The following PTPRO variants were observed in gnomAD, a reference collection of about 807,000 sequenced individuals.
The protein encoded by PTPRO is receptor-type tyrosine-protein phosphatase O.
In PTPRO, 62 loss-of-function variants were observed where a neutral mutation model predicts 145.2. That is an observed-to-expected ratio of 0.43 (90% CI 0.35 to 0.53). PTPRO has a LOEUF of 0.53. PTPRO is among the 20% of genes least tolerant of loss of function. The pLI, the probability that PTPRO is intolerant of heterozygous loss-of-function variation, is 0.01. For missense variants in PTPRO, 1,345 were observed against 1,482.7 expected (o/e 0.91, Z 1.53); for synonymous variants, 565 against 514.7 (o/e 1.10, Z -1.32).
chr12:15,463,184 G>C (rs1169533546), intron 1 of PTPRO, among the ~76,000 whole-genome samples: 4 of 152,060 alleles, frequency 2.6e-5, no homozygotes, highest in Non-Finnish European at 2.9e-5. Flanking sequence ...AGGAAATCTG[G>C]CATGTATCTC....
intron 25 of PTPRO, among the ~76,000 whole-genome samples, chr12:15,594,369 A>C (rs1386396262): frequency 6.6e-6 from 1 of 151,716 alleles, no homozygotes; most frequent in Non-Finnish European, 1.5e-5. Flanking sequence ...AAATAGCCCC[A>C]TGATTTGATT....
intron 1 of PTPRO, among the ~76,000 whole-genome samples, chr12:15,344,126 T>C (rs1396108429): frequency 6.6e-6 from 1 of 152,248 alleles, no homozygotes; most frequent in African/African-American, 2.4e-5. Context: ...GCTTTGTCAC[T>C]TGAAGAACAC....
chr12:15,583,823 T>C (rs919320023), intron 23 of PTPRO, among the ~76,000 whole-genome samples: 1 of 152,200 alleles, frequency 6.6e-6, no homozygotes, highest in Non-Finnish European at 1.5e-5. Context: ...CTACAGGAGA[T>C]AAATCACTTC....
At chr12:15,517,497 C>T (rs747816731) in intron 9 of PTPRO, among the ~76,000 whole-genome samples, 25 of 152,102 alleles carry the variant, frequency 1.6e-4, no homozygotes, top group Non-Finnish European at 2.8e-4. Context: ...CCAACAGTCC[C>T]GAAAAGTCTT....
chr12:15,388,965 A>G (rs1413474244), intron 1 of PTPRO, among the ~76,000 whole-genome samples: 5 of 151,708 alleles, frequency 3.3e-5, no homozygotes, highest in Non-Finnish European at 7.4e-5. Context: ...CCTTACTCTC[A>G]CTGACTGATC....
chr12:15,377,227 C>T (rs749290796), intron 1 of PTPRO, among the ~76,000 whole-genome samples: 27 of 151,802 alleles, frequency 1.8e-4, no homozygotes, highest in East Asian at 3.9e-4. Flanking sequence ...ATAATTAAAA[C>T]GGTACACTAG....
chr12:15,359,975 T>C (rs1471024825), intron 1 of PTPRO, among the ~76,000 whole-genome samples: 1 of 152,176 alleles, frequency 6.6e-6, no homozygotes. Context: ...CCTTTGCTTT[T>C]CCTATGTCTC....
chr12:15,448,409 T>C (rs868462801), intron 1 of PTPRO, among the ~76,000 whole-genome samples: 1 of 138,114 alleles, frequency 7.2e-6, no homozygotes, highest in Non-Finnish European at 1.5e-5. Context: ...TAGCATCATC[T>C]GTCTTCACTT....
In PTPRO at chr12:15,519,134, G is replaced by A. The variant is rs546185650; in HGVS notation, c.1780-1067G>A. Among the ~76,000 whole-genome samples, 76 of 152,300 alleles carry A rather than the reference G, an allele frequency of 5.0e-4. 1 individual carries two copies. The highest frequency in any genetic ancestry group is 1.4e-3 in the African/African-American group (60 of 41,578). On this transcript the variant is annotated intron_variant, in intron 9 of 26. Coordinates refer to ENST00000281171, the MANE Select transcript of PTPRO (RefSeq NM_030667.3). Reference sequence around the variant, plus strand: ...GCTGGGGAAGCCCCACAATCATGGCGGGAGGCAAAGAGGAGCAAGCCATGT... The same window carrying A: ...GCTGGGGAAGCCCCACAATCATGGCAGGAGGCAAAGAGGAGCAAGCCATGT...
At chr12:15,446,447 G>A (rs1029227833) in intron 1 of PTPRO, among the ~76,000 whole-genome samples, 2 of 151,994 alleles carry the variant, frequency 1.3e-5, no homozygotes, top group Non-Finnish European at 2.9e-5. Context: ...AATAATGGGA[G>A]ACTCATTCCG....
chr12:15,360,654 T>TAGAG (rs1565585304), intron 1 of PTPRO, among the ~76,000 whole-genome samples: 2 of 151,636 alleles, frequency 1.3e-5, no homozygotes, highest in Non-Finnish European at 2.9e-5. Context: ...TATATACATA[T>TAGAG]AGAGATACTA....
chr12:15,440,147 G>C (rs931574595), intron 1 of PTPRO: 1 of 659,074 alleles, frequency 1.5e-6, no homozygotes, highest in Non-Finnish European at 2.8e-6. Context: ...CTCAGCCCCT[G>C]TGCCCAAGAA....
At chr12:15,500,649 C>A (rs112156609) in intron 4 of PTPRO, among the ~76,000 whole-genome samples, 1 of 152,156 alleles carries the variant, frequency 6.6e-6, no homozygotes, top group Non-Finnish European at 1.5e-5. Flanking sequence ...GGGCCTAGCA[C>A]GGTGGCTCAT....
chr12:15,526,304 T>C (rs1372660106), intron 12 of PTPRO, 42 bp downstream of exon 12: 5 of 1,610,460 alleles, frequency 3.1e-6, no homozygotes, highest in East Asian at 4.5e-5. Flanking sequence ...TAATCACTAA[T>C]GTTTGCATCA....
At chr12:15,395,834 C>G (rs1939323127) in intron 1 of PTPRO, among the ~76,000 whole-genome samples, 1 of 151,964 alleles carries the variant, frequency 6.6e-6, no homozygotes. Flanking sequence ...CACACACACA[C>G]ACACACTGAT....
At chr12:15,559,148 A>G (rs1943712394) in intron 16 of PTPRO, among the ~76,000 whole-genome samples, 2 of 152,334 alleles carry the variant, frequency 1.3e-5, no homozygotes, top group East Asian at 3.9e-4. Flanking sequence ...AGAGATAGAT[A>G]TTAACTAACT....
chr12:15,341,913 C>T (rs777819735), intron 1 of PTPRO, among the ~76,000 whole-genome samples: 7 of 152,192 alleles, frequency 4.6e-5, no homozygotes, highest in Non-Finnish European at 7.3e-5. Flanking sequence ...ACCTCTACCT[C>T]GCAGGATTAC....
chr12:15,322,662 T>G lies in PTPRO; in HGVS notation c.-65T>G. The G allele has an allele frequency of 7.0e-7, 1 of 1,426,678 alleles. No individual in the cohort carries two copies. Among genetic ancestry groups the G allele is most frequent in the Non-Finnish European group, 9.7e-7 (1 of 1,031,820 alleles). The allele number at this position is 1,426,678 out of a possible 1,614,324, so 88.4% of individuals were successfully genotyped here. ...CTGAGGCTGCAGCCCCAGTTCGCCA[T>G]TGTGAGCCGCCGCCGGGGGAGTCCG... On this transcript the variant is annotated 5_prime_UTR_variant, in exon 1 of 27. Transcript: ENST00000281171. The surrounding 1 kb of genome is among the most constrained non-coding windows in gnomAD (Gnocchi z 6.3).
Position 15,499,540 on chromosome 12 carries a change from A to C in PTPRO, c.607A>C (p.Ser203Arg). ...GGTATCTGAGGCAACTTTTAATAAAAGTACCCTTGTTGAGTACAGTGGTGT... is the reference window on the plus strand; with the variant it reads ...GGTATCTGAGGCAACTTTTAATAAACGTACCCTTGTTGAGTACAGTGGTGT... Reference protein sequence around the residue: ...QLVSEATFNKSTLVEYSGVSH... With the variant: ...QLVSEATFNKRTLVEYSGVSH... Residue 203 changes from serine to arginine, a missense_variant, in exon 4 of 27, where the codon AGT becomes CGT. This residue lies in a region of PTPRO where 1,130 missense variants were observed against 1,214.7 expected (regional missense o/e 0.93). Transcript: ENST00000281171. 1 of 1,613,914 alleles carries C rather than the reference A, an allele frequency of 6.2e-7. No individual in the cohort carries two copies. The highest frequency in any genetic ancestry group is 8.5e-7 in the Non-Finnish European group (1 of 1,179,824).
Sources: allele counts gnomAD v4.1 joint callset (sites outside exome capture counted in the v4.1 genomes callset), GRCh38; gene constraint gnomAD v4.1.1; regional missense constraint gnomAD v4.1.1; non-coding constraint Gnocchi (gnomAD v3.1); transcripts MANE v1.5; gene names NCBI Gene and HGNC (gene_info 2026-07-23, HGNC 2026-07-21).